Variants in WDR7 observed in about 807,000 individuals in gnomAD.
WDR7 encodes the protein WD repeat-containing protein 7.
Under a neutral mutation model 169.4 loss-of-function variants are expected in WDR7, and 46 were observed. That is an observed-to-expected ratio of 0.27 (90% CI 0.21 to 0.35). WDR7 has a LOEUF of 0.35. Among genes scored for constraint, WDR7 ranks in the 10% least tolerant of loss-of-function variants. The pLI is 1.00. For missense variants in WDR7, 1,534 were observed against 1,859.3 expected, an observed-to-expected ratio of 0.83 and a Z score of 3.22; for synonymous variants, 612 against 666.8, an observed-to-expected ratio of 0.92 and a Z score of 1.27.
chr18:56,925,633 T>G (rs1023162602), intron 22 of WDR7, among the ~76,000 whole-genome samples: 3 of 152,196 alleles, frequency 2.0e-5, no homozygotes, highest in Non-Finnish European at 1.5e-5. Context: ...TGGCATGCTT[T>G]GGGTCCATAG....
At chr18:56,831,058 CTT>C (rs1201822109) in intron 20 of WDR7, among the ~76,000 whole-genome samples, 1 of 152,182 alleles carries the variant, frequency 6.6e-6, no homozygotes. Context: ...CCAGACTAAA[CTT>C]TGTACATCAA....
At chr18:56,905,012 C>G (rs1170591467) in intron 21 of WDR7, among the ~76,000 whole-genome samples, 5 of 152,000 alleles carry the variant, frequency 3.3e-5, no homozygotes, top group Non-Finnish European at 7.4e-5. Context: ...GTAAGTGTGG[C>G]TTAGAGAGTA....
At chr18:56,667,486 G>A (rs1009933868) in intron 1 of WDR7, among the ~76,000 whole-genome samples, 33 of 151,970 alleles carry the variant, frequency 2.2e-4, no homozygotes, top group African/African-American at 7.7e-4. Flanking sequence ...TTTACAATGT[G>A]GCCCAACTGA....
intron 20 of WDR7, among the ~76,000 whole-genome samples, chr18:56,841,010 G>A (rs2045476900): frequency 6.6e-6 from 1 of 151,940 alleles, no homozygotes; most frequent in African/African-American, 2.4e-5. Flanking sequence ...GGCCAACATG[G>A]TAAAATCCCA....
intron 1 of WDR7, among the ~76,000 whole-genome samples, chr18:56,654,564 C>T (rs627608): frequency 0.94 from 143,866 of 152,326 alleles, 68,463 homozygotes; most frequent in East Asian, 1. Flanking sequence ...TTCTTGTATT[C>T]CATAGATACT....
intron 20 of WDR7, among the ~76,000 whole-genome samples, chr18:56,873,135 T>C (rs1305406517): frequency 1.3e-5 from 2 of 152,228 alleles, no homozygotes; most frequent in Admixed American, 1.3e-4. Context: ...TTTACCTCTT[T>C]CCTTGTTAAT....
chr18:56,985,726 G>A (rs971799470), intron 26 of WDR7, among the ~76,000 whole-genome samples: 15 of 151,704 alleles, frequency 9.9e-5, no homozygotes, highest in Non-Finnish European at 2.2e-4. Context: ...AATTATTTCT[G>A]ATATATTTCC....
chr18:57,011,999 G>A (rs993913239), intron 26 of WDR7, among the ~76,000 whole-genome samples: 8 of 152,166 alleles, frequency 5.3e-5, no homozygotes, highest in Non-Finnish European at 1.0e-4. Context: ...CTGATGGGAG[G>A]GTGAAAACCT....
intron 20 of WDR7, among the ~76,000 whole-genome samples, chr18:56,868,588 C>T (rs922869245): frequency 3.3e-5 from 5 of 152,122 alleles, no homozygotes; most frequent in African/African-American, 9.7e-5. Flanking sequence ...ATGTCTACCC[C>T]GCTATTTTTA....
intron 26 of WDR7, among the ~76,000 whole-genome samples, chr18:56,967,566 T>C (rs2047427824): frequency 6.6e-6 from 1 of 151,706 alleles, no homozygotes; most frequent in African/African-American, 2.4e-5. Context: ...ATATTTGCCT[T>C]TGGTTTGGCA....
intron 25 of WDR7, among the ~76,000 whole-genome samples, chr18:56,949,409 A>G (rs929101807): frequency 1.1e-4 from 17 of 152,254 alleles, no homozygotes; most frequent in Admixed American, 1.1e-3. Context: ...ATGAACAAAT[A>G]TTGAGAAAAG....
At position 56,670,449 on chromosome 18, in the gene WDR7, G is replaced by A. The variant is rs117538139; in HGVS notation, c.-19-2048G>A. 3.7e-4 allele frequency among the ~76,000 whole-genome samples: 57 copies of A among 152,244 alleles called. 2 individuals carry two copies. In the East Asian group the frequency reaches 0.01, roughly 27 times the overall value. ...TGGTGTTCTTTCCAGGTCTCACCAC[G>A]TTGGATTCAGTGTTTAGTACTTATT... On this transcript the variant is annotated intron_variant, in intron 1 of 27. Coordinates refer to ENST00000254442, the MANE Select transcript of WDR7 (RefSeq NM_015285.3).
chr18:56,950,509 C>CATCT (rs2047166473), intron 25 of WDR7, among the ~76,000 whole-genome samples: 1 of 152,202 alleles, frequency 6.6e-6, no homozygotes, highest in Admixed American at 6.5e-5. Flanking sequence ...AAAGGAAAGG[C>CATCT]ATCTGCAAAC....
At chr18:56,949,269 G>A (rs1358000162) in intron 25 of WDR7, among the ~76,000 whole-genome samples, 2 of 151,998 alleles carry the variant, frequency 1.3e-5, no homozygotes, top group East Asian at 1.9e-4. Flanking sequence ...CTGAGTTTTT[G>A]TTTATGAAGG....
chr18:56,660,730 A>G (rs1454261383), intron 1 of WDR7, among the ~76,000 whole-genome samples: 1 of 152,078 alleles, frequency 6.6e-6, no homozygotes, highest in African/African-American at 2.4e-5. Context: ...AGTCAGGAAA[A>G]AGTGAAGACT....
At chr18:56,950,196 G>T (rs1443161245) in intron 25 of WDR7, among the ~76,000 whole-genome samples, 1 of 152,280 alleles carries the variant, frequency 6.6e-6, no homozygotes, top group East Asian at 1.9e-4. Flanking sequence ...TTTCCACTTT[G>T]TCACACTGAA....
chr18:56,818,478 C>T (rs17090369), intron 20 of WDR7, among the ~76,000 whole-genome samples: 3,096 of 152,236 alleles, frequency 0.02, 108 homozygotes, highest in African/African-American at 0.068. Context: ...CTTTTATCTG[C>T]TGATTTATCC....
At chr18:56,905,602 T>G (rs139019741) in intron 21 of WDR7, among the ~76,000 whole-genome samples, 297 of 136,572 alleles carry the variant, frequency 2.2e-3, no homozygotes, top group African/African-American at 7.6e-3. Flanking sequence ...ACATGAAATT[T>G]TATTTATATT....
chr18:56,898,485 C>T (rs898102506), intron 21 of WDR7, among the ~76,000 whole-genome samples: 2 of 152,002 alleles, frequency 1.3e-5, no homozygotes, highest in African/African-American at 2.4e-5. Context: ...CACTGTAATT[C>T]GTTAGCTTAA....
Sources: allele counts gnomAD v4.1 joint callset (sites outside exome capture counted in the v4.1 genomes callset), GRCh38; gene constraint gnomAD v4.1.1; transcripts MANE v1.5; gene names NCBI Gene and HGNC (gene_info 2026-07-23, HGNC 2026-07-21).